CDCA8: variants seen among roughly 807,000 people sequenced by gnomAD.
CDCA8 encodes borealin.
A neutral mutation model predicts 40.0 loss-of-function variants in CDCA8; 25 were observed. The observed-to-expected ratio is 0.63, with a 90% confidence interval of 0.46 to 0.87. CDCA8 has a LOEUF of 0.87. Among genes scored for constraint, CDCA8 ranks in the 40% least tolerant of loss-of-function variants. The probability of loss-of-function intolerance (pLI) is 0.00; values close to 1 mark genes in which losing one functional copy is unlikely to be tolerated. For synonymous variants in CDCA8, 111 were observed against 126.5 expected, an observed-to-expected ratio of 0.88 and a Z score of 0.82; for missense variants, 280 against 348.4, an observed-to-expected ratio of 0.80 and a Z score of 1.56.
At chr1:37,700,602 C>A in intron 5 of CDCA8, 81 bp downstream of exon 5, 1 of 823,158 alleles carries the variant, frequency 1.2e-6, no homozygotes, top group Non-Finnish European at 2.1e-6. Context: ...TGTTGTACAC[C>A]AGAGCTCACA....
chr1:37,706,052 G>A (rs1375605241), intron 8 of CDCA8, among the ~76,000 whole-genome samples: 4 of 150,088 alleles, frequency 2.7e-5, no homozygotes, highest in East Asian at 3.9e-4. Flanking sequence ...CTCGTGATCC[G>A]CCCTCCTCGG....
chr1:37,709,633 C>G lies in CDCA8; in HGVS notation c.*1267C>G, dbSNP rs940760972. ...CCCTGAGATTTTTGTATATATTGTT[C>G]TGAGTAATGGTATCTTTGAGCTGAT... On this transcript the variant is annotated 3_prime_UTR_variant, in exon 10 of 10. Transcript: ENST00000373055. 2 of 151,978 alleles carry G rather than the reference C, an allele frequency of 1.3e-5. No homozygotes were observed. The highest frequency in any genetic ancestry group is 6.5e-5 in the Admixed American group (1 of 15,268). 9.4% of individuals were successfully genotyped at this position (151,978 alleles called of 1,614,324 possible). A position where few individuals can be genotyped will look rare whatever the true frequency, so the allele number is the denominator to read the frequency against.
At chr1:37,701,686 A>AC (rs1228650839) in intron 5 of CDCA8, 68 bp from the exon 6 acceptor site, 10 of 1,052,616 alleles carry the variant, frequency 9.5e-6, no homozygotes, top group South Asian at 2.9e-5. Context: ...AAAAAAAAAA[A>AC]AAACCCTCCT....
At chr1:37,705,616 G>A (rs1645593957) in intron 8 of CDCA8, 49 bp downstream of exon 8, 1 of 1,599,448 alleles carries the variant, frequency 6.3e-7, no homozygotes, top group Non-Finnish European at 8.5e-7. Flanking sequence ...GCTTAGTCAA[G>A]CATTTCTTTT....
intron 5 of CDCA8, among the ~76,000 whole-genome samples, chr1:37,700,815 C>T (rs978095861): frequency 4.6e-5 from 7 of 152,120 alleles, no homozygotes; most frequent in African/African-American, 1.4e-4. Flanking sequence ...ATGGGGGAGG[C>T]GGAAAACTGA....
chr1:37,706,925 G>C, intron 8 of CDCA8, 53 bp from the exon 9 acceptor site: 1 of 1,437,278 alleles, frequency 7.0e-7, no homozygotes, highest in Non-Finnish European at 9.8e-7. Context: ...GGAACCTAGG[G>C]GTTCCGGCCC....
At chr1:37,707,323 C>T (rs572782783) in intron 9 of CDCA8, among the ~76,000 whole-genome samples, 1 of 152,192 alleles carries the variant, frequency 6.6e-6, no homozygotes, top group Non-Finnish European at 1.5e-5. Context: ...CTCATTCAGG[C>T]AGTTAGTGCT....
rs1326063684 is a variant in CDCA8, at chr1:37,709,655, T to C, written c.*1289T>C. 1 of 152,200 alleles carries C rather than the reference T, an allele frequency of 6.6e-6. No homozygotes were observed. The highest frequency in any genetic ancestry group is 1.5e-5 in the Non-Finnish European group (1 of 68,034). The allele number at this position is 152,200 out of a possible 1,614,324, so 9.4% of individuals were successfully genotyped here. A position where few individuals can be genotyped will look rare whatever the true frequency, so the allele number is the denominator to read the frequency against. On this transcript the variant is annotated 3_prime_UTR_variant, in exon 10 of 10. Coordinates refer to ENST00000373055, the MANE Select transcript of CDCA8 (RefSeq NM_001256875.2). ...GTTCTGAGTAATGGTATCTTTGAGC[T>C]GATTGTTCTAATCAGAGCTGGTACC...
intron 7 of CDCA8, among the ~76,000 whole-genome samples, chr1:37,704,636 CTTTTTTTTTTTTTTTTT>C (rs145718694): frequency 6.7e-4 from 58 of 86,480 alleles, no homozygotes; most frequent in African/African-American, 2.6e-3. Context: ...TTAATTGCCA[CTTTTTTTTTTTTTTTTT>C]TTTTTTTTTT....
intron 5 of CDCA8, 70 bp from the exon 6 acceptor site, chr1:37,701,684 A>AC (rs957644401): frequency 4.8e-6 from 5 of 1,033,276 alleles, no homozygotes; most frequent in Admixed American, 4.9e-5. Flanking sequence ...AAAAAAAAAA[A>AC]AAAAACCCTC....
intron 7 of CDCA8, among the ~76,000 whole-genome samples, chr1:37,704,935 A>C (rs1032262774): frequency 1.3e-5 from 2 of 152,214 alleles, no homozygotes; most frequent in Non-Finnish European, 2.9e-5. Context: ...GGTATGAGCC[A>C]CGGCACTCAG....
rs1386920091 is a variant in CDCA8 at position 37,696,338 on chromosome 1, C to A, written c.264+388C>A. On this transcript the variant is annotated intron_variant, in intron 3 of 9. Transcript: ENST00000373055. This position sits in a 1 kb window ranked among gnomAD's most constrained non-coding sequence, Gnocchi z 5.0. ...CTTGGGATGCTCAGTATTCCCCAACCCCTCTCATCTCCTTCCTCCCAGCAT... is the reference window on the plus strand; with the variant it reads ...CTTGGGATGCTCAGTATTCCCCAACACCTCTCATCTCCTTCCTCCCAGCAT... Among the ~76,000 whole-genome samples, 1 of 152,132 alleles carries A rather than the reference C, an allele frequency of 6.6e-6. No homozygotes were observed. The highest frequency in any genetic ancestry group is 1.5e-5 in the Non-Finnish European group (1 of 68,034).
intron 9 of CDCA8, among the ~76,000 whole-genome samples, chr1:37,707,866 TGGCTCCGCC>T (rs1645613231): frequency 1.3e-5 from 2 of 152,254 alleles, no homozygotes; most frequent in South Asian, 4.1e-4. Context: ...AAGAATGTAA[TGGCTCCGCC>T]AGGGATGAAC....
At position 37,692,705 on chromosome 1, in the gene CDCA8, G is replaced by A. The variant is rs748201253; in HGVS notation, c.15G>A (p.Lys5=). Residue 5 remains lysine, a synonymous_variant, in exon 1 of 10, where the codon AAG becomes AAA. Coordinates refer to ENST00000373055, the MANE Select transcript of CDCA8 (RefSeq NM_001256875.2). MAPR[K]GSSRVAKTNS... is the part of the protein sequence containing the mutation. ...CGCCGAGCGCCATGGCTCCTAGGAA[G>A]GGCAGTAGTCGGGTGGCCAAGACCA... 1.9e-6 allele frequency: 3 copies of A among 1,613,128 alleles called. No homozygotes were observed. In the East Asian group the frequency reaches 6.7e-5, roughly 36 times the overall value.
At chr1:37,703,688 C>T (rs1645580217) in intron 7 of CDCA8, among the ~76,000 whole-genome samples, 1 of 152,138 alleles carries the variant, frequency 6.6e-6, no homozygotes, top group African/African-American at 2.4e-5. Context: ...TGCACTCCAG[C>T]CTGGGCAACA....
intron 3 of CDCA8, 96 bp from the exon 4 acceptor site, chr1:37,698,809 A>T (rs1645543525): frequency 1.3e-6 from 1 of 791,340 alleles, no homozygotes. Context: ...AGTCTTATGT[A>T]TTAAATAATA....
intron 5 of CDCA8, among the ~76,000 whole-genome samples, chr1:37,700,758 G>C (rs770474138): frequency 1.3e-5 from 2 of 152,196 alleles, no homozygotes; most frequent in African/African-American, 4.8e-5. Context: ...GTGAGTGAGA[G>C]TCTACTAGCT....
At chr1:37,706,531 T>C (rs1047419081) in intron 8 of CDCA8, among the ~76,000 whole-genome samples, 2 of 152,222 alleles carry the variant, frequency 1.3e-5, no homozygotes, top group Admixed American at 1.3e-4. Flanking sequence ...GTACCTGTGA[T>C]ATGCGCAATA....
chr1:37,692,757 T>C lies in CDCA8; in HGVS notation c.67T>C (p.Ser23Pro), dbSNP rs1423766049. 1.9e-6 allele frequency: 3 copies of C among 1,613,586 alleles called. No individual in the cohort carries two copies. The highest frequency in any genetic ancestry group is 2.5e-6 in the Non-Finnish European group (3 of 1,179,984). Residue 23 changes from serine (S) to proline (P), a missense_variant, in exon 1 of 10, where the codon TCC (serine) becomes CCC (proline). Ser to Pro is a moderately conservative substitution (Grantham distance 74). Transcript: ENST00000373055. ...TNSLRRRKLA[S>P]FLKDFDREVE... ...CTCCTTACGGAGGCGGAAGCTCGCC[T>C]CCTTTCTGAAAGACTTCGACCGTGA...
Sources: allele counts gnomAD v4.1 joint callset (sites outside exome capture counted in the v4.1 genomes callset), GRCh38; gene constraint gnomAD v4.1.1; non-coding constraint Gnocchi (gnomAD v3.1); transcripts MANE v1.5; gene names NCBI Gene and HGNC (gene_info 2026-07-23, HGNC 2026-07-21).